Variants in ZFPM2 observed in about 807,000 individuals in gnomAD.
ZFPM2 encodes the protein zinc finger protein, FOG family member 2.
ZFPM2 carries 20 observed loss-of-function variants against 98.6 expected under a neutral mutation model. That is an observed-to-expected ratio of 0.20 (90% CI 0.14 to 0.29). The LOEUF (loss-of-function observed/expected upper bound fraction) is 0.29. Ranked by LOEUF, ZFPM2 falls within the 10% of genes least tolerant of loss-of-function variation. The pLI, the probability that ZFPM2 is intolerant of heterozygous loss-of-function variation, is 1.00. For missense variants in ZFPM2, 1,310 were observed against 1,388.6 expected, an observed-to-expected ratio of 0.94 and a Z score of 0.90; for synonymous variants, 518 against 502.7, an observed-to-expected ratio of 1.03 and a Z score of -0.41.
rs188377725 is a variant in ZFPM2, at chr8:105,357,218, A to T, written c.40+38237A>T. 3.3e-5 allele frequency among the ~76,000 whole-genome samples: 5 copies of T among 152,286 alleles called. No homozygotes were observed. In the East Asian group the frequency reaches 9.7e-4, roughly 30 times the overall value. ...TAAATCTTTCTGATTGAAAAGGTCC[A>T]GTGGAAGTTCCACATCCTTCAAGAG... On this transcript the variant is annotated intron_variant, in intron 1 of 7. Transcript: ENST00000407775.
chr8:105,598,706 T>TA (rs1197258298), intron 4 of ZFPM2, among the ~76,000 whole-genome samples: 4 of 152,154 alleles, frequency 2.6e-5, no homozygotes, highest in South Asian at 4.2e-4. Flanking sequence ...ATTTCCCTCA[T>TA]AAAAAAATCA....
chr8:105,695,039 T>C (rs1810982153), intron 5 of ZFPM2, among the ~76,000 whole-genome samples: 2 of 152,170 alleles, frequency 1.3e-5, no homozygotes, highest in South Asian at 4.1e-4. Flanking sequence ...TGAGGAACCA[T>C]CCTCAGTAGA....
intron 3 of ZFPM2, among the ~76,000 whole-genome samples, chr8:105,471,248 A>G (rs1311947352): frequency 6.6e-6 from 1 of 152,178 alleles, no homozygotes; most frequent in Non-Finnish European, 1.5e-5. Context: ...TTCTGTATAC[A>G]TGACTAGTAT....
At chr8:105,728,957 G>T (rs1407741842) in intron 5 of ZFPM2, among the ~76,000 whole-genome samples, 1 of 151,642 alleles carries the variant, frequency 6.6e-6, no homozygotes, top group Non-Finnish European at 1.5e-5. Context: ...ATCTGTGTTG[G>T]ATAAGAAGGC....
At chr8:105,370,537 A>G (rs1810600827) in intron 1 of ZFPM2, among the ~76,000 whole-genome samples, 1 of 152,180 alleles carries the variant, frequency 6.6e-6, no homozygotes, top group Non-Finnish European at 1.5e-5. Context: ...TCTTAGTGAT[A>G]TGCATTATAA....
intron 5 of ZFPM2, among the ~76,000 whole-genome samples, chr8:105,700,452 C>G (rs72673796): frequency 0.12 from 19,020 of 152,224 alleles, 1,500 homozygotes; most frequent in South Asian, 0.29. Flanking sequence ...TAGATACCTG[C>G]TGATAAATTT....
chr8:105,467,704 T>C (rs1395794025), intron 3 of ZFPM2, among the ~76,000 whole-genome samples: 1 of 152,012 alleles, frequency 6.6e-6, no homozygotes, highest in Non-Finnish European at 1.5e-5. Flanking sequence ...GCTGAGTCTT[T>C]GAAGAAAATA....
At chr8:105,667,323 T>G (rs1817508267) in intron 5 of ZFPM2, among the ~76,000 whole-genome samples, 1 of 152,174 alleles carries the variant, frequency 6.6e-6, no homozygotes, top group Non-Finnish European at 1.5e-5. Context: ...CTTTTGGTAG[T>G]ATATGATGAA....
intron 1 of ZFPM2, among the ~76,000 whole-genome samples, chr8:105,361,440 G>A (rs1236898509): frequency 2.7e-5 from 4 of 150,348 alleles, no homozygotes; most frequent in African/African-American, 7.3e-5. Flanking sequence ...CACTCTGATG[G>A]TAGTTTCTTT....
chr8:105,544,349 G>A (rs1814645775), intron 3 of ZFPM2, among the ~76,000 whole-genome samples: 1 of 151,988 alleles, frequency 6.6e-6, no homozygotes. Flanking sequence ...ATTTGTAATT[G>A]GAGTCTTCCT....
At chr8:105,349,072 C>G (rs531203443) in intron 1 of ZFPM2, among the ~76,000 whole-genome samples, 3 of 152,220 alleles carry the variant, frequency 2.0e-5, no homozygotes, top group East Asian at 3.9e-4. Flanking sequence ...GCCCAAGGAG[C>G]CTGGGTTTAA....
chr8:105,803,498 A>G lies in ZFPM2; in HGVS notation c.3416A>G (p.Lys1139Arg), dbSNP rs769869478. 6.2e-7 allele frequency: 1 copy of G among 1,612,354 alleles called. No homozygotes were observed. Among genetic ancestry groups the G allele is most frequent in the Non-Finnish European group, 8.5e-7 (1 of 1,179,104 alleles). ...CTTTCAAACTTTATAACTCACAAGAAGTTTTATTGCTCATCACATGCAGCA... is the reference window on the plus strand; with the variant it reads ...CTTTCAAACTTTATAACTCACAAGAGGTTTTATTGCTCATCACATGCAGCA... Reference protein sequence around the residue: ...NNLSNFITHKKFYCSSHAAEH... With the variant: ...NNLSNFITHKRFYCSSHAAEH... The change falls in exon 8 of 8, where the codon AAG (lysine) becomes AGG (arginine). Residue 1139 changes from lysine (K) to arginine (R), a missense_variant. Transcript: ENST00000407775.
intron 4 of ZFPM2, among the ~76,000 whole-genome samples, chr8:105,564,655 T>G (rs902995113): frequency 6.6e-6 from 1 of 152,112 alleles, no homozygotes; most frequent in Admixed American, 6.6e-5. Flanking sequence ...AGAGTCTGCT[T>G]TTTTAAAGAC....
At chr8:105,766,652 A>G (rs1812858481) in intron 5 of ZFPM2, among the ~76,000 whole-genome samples, 1 of 151,890 alleles carries the variant, frequency 6.6e-6, no homozygotes, top group African/African-American at 2.4e-5. Flanking sequence ...GGCTTTAGTG[A>G]TTGATTGGCT....
At chr8:105,439,768 A>G (rs1446270317) in intron 2 of ZFPM2, among the ~76,000 whole-genome samples, 1 of 152,178 alleles carries the variant, frequency 6.6e-6, no homozygotes, top group Non-Finnish European at 1.5e-5. Flanking sequence ...AGGAGTGGAT[A>G]TTATTTAAAA....
At position 105,697,780 on chromosome 8, in the gene ZFPM2, AT is replaced by A. The variant is rs145863986; in HGVS notation, c.532+63428del. On this transcript the variant is annotated intron_variant, in intron 5 of 7. Transcript: ENST00000407775. ...ATTACTTCAAAGGAGGCCAGACTGT[AT>A]TTTTAACATAGCTAAATATGAATGG... Among the ~76,000 whole-genome samples, 122 of 152,268 alleles carry A rather than the reference AT, an allele frequency of 8.0e-4. 1 individual carries two copies. Among genetic ancestry groups the A allele is most frequent in the African/African-American group, 2.9e-3 (120 of 41,572 alleles).
intron 5 of ZFPM2, among the ~76,000 whole-genome samples, chr8:105,725,548 C>T (rs1811789863): frequency 6.6e-6 from 1 of 151,692 alleles, no homozygotes; most frequent in African/African-American, 2.4e-5. Context: ...GAGGGTACTA[C>T]TCATAATTAT....
intron 2 of ZFPM2, among the ~76,000 whole-genome samples, chr8:105,421,012 C>G (rs1323130473): frequency 6.6e-5 from 10 of 151,998 alleles, no homozygotes; most frequent in Admixed American, 6.6e-4. Context: ...CTTACTCTTT[C>G]ATTAAACTTT....
chr8:105,483,304 G>T (rs1684773596), intron 3 of ZFPM2, among the ~76,000 whole-genome samples: 1 of 151,984 alleles, frequency 6.6e-6, no homozygotes, highest in South Asian at 2.1e-4. Flanking sequence ...TTTATGTTCA[G>T]TTGAGCTGGG....
Sources: allele counts gnomAD v4.1 joint callset (sites outside exome capture counted in the v4.1 genomes callset), GRCh38; gene constraint gnomAD v4.1.1; transcripts MANE v1.5; gene names NCBI Gene and HGNC (gene_info 2026-07-23, HGNC 2026-07-21).